Variants in LRCH2 observed in about 807,000 individuals in gnomAD.
The protein encoded by LRCH2 is leucine rich repeats and calponin homology domain containing 2.
Under a neutral mutation model 68.9 loss-of-function variants are expected in LRCH2, and 38 were observed. The observed-to-expected ratio is 0.55, with a 90% CI of 0.43 to 0.72. LRCH2 has a LOEUF of 0.72. LRCH2 is among the 30% of genes least tolerant of loss of function. LRCH2 has a pLI of 0.00. For missense variants in LRCH2, 528 were observed against 572.9 expected (o/e 0.92, Z 0.80); for synonymous variants, 191 against 208.1 (o/e 0.92, Z 0.71).
chrX:115,145,070 A>T (rs980294183), intron 14 of LRCH2, among the ~76,000 whole-genome samples: 1 of 111,834 alleles, frequency 8.9e-6, no homozygotes, highest in Non-Finnish European at 1.9e-5. Flanking sequence ...GGTAACCAAA[A>T]CATCATGGTA....
chrX:115,188,817 C>T (rs1603070875), intron 1 of LRCH2, among the ~76,000 whole-genome samples: 1 of 111,479 alleles, frequency 9.0e-6, no homozygotes, highest in East Asian at 2.8e-4. Context: ...AGTGACAGAG[C>T]GAGACTCTGT....
rs2072537061 is a variant in LRCH2, at chrX:115,163,691, T to C, written c.1448A>G (p.Gln483Arg). ...AAAGGAATACCTGTTCTTCTGTTCT[T>C]GCTGCAATAACTGAGCAGCTATTTT... ...LRKIAAQLLQ[Q>R]EQKNRILNHS... Residue 483 changes from glutamine (Q) to arginine (R), a missense_variant, in exon 11 of 21, where the codon CAA (glutamine) becomes CGA (arginine). Physicochemically the swap from Gln to Arg is conservative, Grantham distance 43 (BLOSUM62 1). Coordinates refer to ENST00000317135, the MANE Select transcript of LRCH2 (RefSeq NM_020871.4). 1 of 1,190,356 alleles carries C rather than the reference T, an allele frequency of 8.4e-7. No homozygotes were observed. Among genetic ancestry groups the C allele is most frequent in the Non-Finnish European group, 1.1e-6 (1 of 882,241 alleles).
At chrX:115,188,997 C>T (rs946537823) in intron 1 of LRCH2, among the ~76,000 whole-genome samples, 2 of 111,611 alleles carry the variant, frequency 1.8e-5, no homozygotes, top group Non-Finnish European at 3.8e-5. Flanking sequence ...GATCCCACAA[C>T]CCCCTCCATC....
At chrX:115,157,279 C>T (rs1180843886) in intron 11 of LRCH2, among the ~76,000 whole-genome samples, 4 of 110,407 alleles carry the variant, frequency 3.6e-5, no homozygotes, top group Non-Finnish European at 7.6e-5. Context: ...ACATAAGGAA[C>T]TATACTTAAG....
intron 11 of LRCH2, among the ~76,000 whole-genome samples, chrX:115,160,778 A>G (rs1556541317): frequency 8.9e-6 from 1 of 111,747 alleles, no homozygotes; most frequent in Non-Finnish European, 1.9e-5. Context: ...GAAGGTATAA[A>G]TTATATCAAA....
intron 20 of LRCH2, among the ~76,000 whole-genome samples, chrX:115,119,232 CCT>C (rs2072112893): frequency 9.1e-6 from 1 of 109,970 alleles, no homozygotes; most frequent in Non-Finnish European, 1.9e-5. Flanking sequence ...TCAAATTGTC[CCT>C]GTTTGCAGAC....
chrX:115,223,864 T>C (rs782142972), intron 1 of LRCH2, among the ~76,000 whole-genome samples: 2 of 108,518 alleles, frequency 1.8e-5, no homozygotes, highest in Admixed American at 2.0e-4. Flanking sequence ...AGGCGGAGGT[T>C]GCAGTGAGCC....
At chrX:115,203,285 T>C (rs2072942496) in intron 1 of LRCH2, among the ~76,000 whole-genome samples, 1 of 111,962 alleles carries the variant, frequency 8.9e-6, no homozygotes, top group Non-Finnish European at 1.9e-5. Context: ...CCCTGACACA[T>C]GGCAATTATA....
chrX:115,156,816 T>C (rs1214788459), intron 11 of LRCH2, 149 bp from the exon 12 acceptor site: 3 of 341,860 alleles, frequency 8.8e-6, no homozygotes, highest in Non-Finnish European at 1.5e-5. Context: ...CAGATGCCCA[T>C]AAGTGTACTA....
chrX:115,230,274 T>TA, intron 1 of LRCH2, among the ~76,000 whole-genome samples: 1 of 111,121 alleles, frequency 9.0e-6, no homozygotes, highest in Non-Finnish European at 1.9e-5. Context: ...TTTATGTCCT[T>TA]ATGTGGGTGA....
rs782433874 is a variant in LRCH2 at position 115,124,004 on chromosome X, TA to T, written c.1792-3del. The T allele has an allele frequency of 4.6e-4, 462 of 1,006,995 alleles. No individual in the cohort carries two copies. Among genetic ancestry groups the T allele is most frequent in the East Asian group, 1.1e-3 (31 of 26,963 alleles). 83.0% of individuals were successfully genotyped at this position (1,006,995 alleles called of 1,213,427 possible). ...AAAACCATCAGTTCTGTCATATTCC[TA>T]AAAAAAAATTAAAAAGTTAAAAATA... is the stretch of plus-strand genomic sequence containing the variant. On this transcript the variant is annotated splice_region_variant and splice_polypyrimidine_tract_variant and intron_variant, in intron 16 of 20. Coordinates refer to ENST00000317135, the MANE Select transcript of LRCH2 (RefSeq NM_020871.4).
At chrX:115,167,232 C>CA (rs1227806913) in intron 6 of LRCH2, among the ~76,000 whole-genome samples, 5 of 40,595 alleles carry the variant, frequency 1.2e-4, no homozygotes, top group Admixed American at 6.3e-4. Context: ...ATAACAACAA[C>CA]AAAAAAAAAC....
At chrX:115,173,795 C>T (rs2072623976) in intron 5 of LRCH2, among the ~76,000 whole-genome samples, 2 of 111,577 alleles carry the variant, frequency 1.8e-5, no homozygotes, top group African/African-American at 6.5e-5. Context: ...GCTAGACCAA[C>T]CCCTCCTCTT....
intron 1 of LRCH2, among the ~76,000 whole-genome samples, chrX:115,214,052 A>G (rs782523902): frequency 1.9e-3 from 214 of 112,142 alleles, no homozygotes; most frequent in Middle Eastern, 9.4e-3. Flanking sequence ...TGTCTTCAGG[A>G]GAGTGCATAA....
intron 1 of LRCH2, chrX:115,190,183 G>A (rs1556556898): frequency 4.3e-6 from 5 of 1,165,117 alleles, no homozygotes; most frequent in Admixed American, 2.6e-5. Context: ...CCCGTGCCGC[G>A]ACCCTGGGGA....
chrX:115,147,201 T>A (rs1296129457), intron 14 of LRCH2, among the ~76,000 whole-genome samples: 1 of 111,798 alleles, frequency 8.9e-6, no homozygotes, highest in Non-Finnish European at 1.9e-5. Flanking sequence ...GCTTTAATAA[T>A]ACAACCTACC....
At chrX:115,200,737 A>G (rs1281241639) in intron 1 of LRCH2, among the ~76,000 whole-genome samples, 1 of 110,969 alleles carries the variant, frequency 9.0e-6, no homozygotes, top group African/African-American at 3.3e-5. Context: ...AAGAAGGAAT[A>G]CCGCTCCTCC....
chrX:115,158,784 C>T (rs2072494723), intron 11 of LRCH2, among the ~76,000 whole-genome samples: 1 of 111,828 alleles, frequency 8.9e-6, no homozygotes, highest in African/African-American at 3.2e-5. Context: ...AAGCTATTTA[C>T]TGCAAAATCA....
chrX:115,233,604 C>T (rs1177892371), intron 1 of LRCH2, 89 bp downstream of exon 1: 83 of 951,546 alleles, frequency 8.7e-5, no homozygotes, highest in Non-Finnish European at 1.1e-4. Context: ...CCCGCCCAGA[C>T]CCGCAGAGTC....
Sources: allele counts gnomAD v4.1 joint callset (sites outside exome capture counted in the v4.1 genomes callset), GRCh38; gene constraint gnomAD v4.1.1; transcripts MANE v1.5; gene names NCBI Gene and HGNC (gene_info 2026-07-23, HGNC 2026-07-21).